GALNT17: variants seen among roughly 807,000 people sequenced by gnomAD.
The protein encoded by GALNT17 is UDP-GalNAc:polypeptide N-acetylgalactosaminyltransferase-like 3.
A neutral mutation model predicts 63.7 loss-of-function variants in GALNT17; 29 were observed. The ratio of observed to expected loss-of-function variants is 0.46; its 90% CI spans 0.34 to 0.62. The LOEUF (loss-of-function observed/expected upper bound fraction) is 0.62, where lower values mean the gene tolerates loss of function less well. Among genes scored for constraint, GALNT17 ranks in the 20% least tolerant of loss-of-function variants. The pLI, the probability that GALNT17 is intolerant of heterozygous loss-of-function variation, is 0.01. For missense variants in GALNT17, 603 were observed against 799.6 expected, an observed-to-expected ratio of 0.75 and a Z score of 2.97; for synonymous variants, 305 against 318.3, an observed-to-expected ratio of 0.96 and a Z score of 0.45.
rs1383369864 is a variant in GALNT17, at chr7:71,634,733, G to A, written c.1081-30678G>A. On this transcript the variant is annotated intron_variant, in intron 6 of 10. Transcript: ENST00000333538. ...GGTACTACTGCACTCCAGCCTGGGC[G>A]ACGGAGCGAGACTCCATCTCAAAAA... Among the ~76,000 whole-genome samples the A allele has an allele frequency of 2.7e-4, 38 of 142,802 alleles. 1 individual carries two copies. Among genetic ancestry groups the A allele is most frequent in the South Asian group, 1.6e-3 (7 of 4,268 alleles). The allele number at this position is 142,802 out of a possible 152,430, so 93.7% of individuals were successfully genotyped here.
At chr7:71,512,420 C>T (rs1305780840) in intron 5 of GALNT17, among the ~76,000 whole-genome samples, 1 of 152,106 alleles carries the variant, frequency 6.6e-6, no homozygotes, top group Admixed American at 6.6e-5. Context: ...GTGGACATGC[C>T]CTGACTTCCA....
intron 1 of GALNT17, among the ~76,000 whole-genome samples, chr7:71,138,712 G>A (rs1267696631): frequency 6.6e-6 from 1 of 152,150 alleles, no homozygotes; most frequent in South Asian, 2.1e-4. Flanking sequence ...AGTGGCTCAC[G>A]CCTGTAATCC....
chr7:71,331,957 A>G (rs2116067699), intron 1 of GALNT17, among the ~76,000 whole-genome samples: 1 of 152,250 alleles, frequency 6.6e-6, no homozygotes, highest in South Asian at 2.1e-4. Flanking sequence ...AGATCTTGTT[A>G]CTTTCCTTCT....
At chr7:71,680,807 T>TTCTTCCTTCCTTCCTTCCCC (rs1274452043) in intron 9 of GALNT17, among the ~76,000 whole-genome samples, 8 of 147,154 alleles carry the variant, frequency 5.4e-5, no homozygotes, top group African/African-American at 2.0e-4. Context: ...CTTCCTTCCT[T>TTCTTCCTTCCTTCCTTCCCC]TCTTCCTTCC....
At chr7:71,556,946 G>A (rs145787342) in intron 5 of GALNT17, among the ~76,000 whole-genome samples, 5 of 151,518 alleles carry the variant, frequency 3.3e-5, no homozygotes, top group Admixed American at 2.0e-4. Context: ...TAAAGTGACC[G>A]GTTCTTTCTC....
At chr7:71,686,600 G>A (rs1562736897) in intron 9 of GALNT17, among the ~76,000 whole-genome samples, 2 of 151,310 alleles carry the variant, frequency 1.3e-5, no homozygotes, top group Admixed American at 6.6e-5. Context: ...ATGTTGCCCA[G>A]GCTGGTCCCA....
chr7:71,270,455 G>A (rs755253164), intron 1 of GALNT17, among the ~76,000 whole-genome samples: 3 of 149,184 alleles, frequency 2.0e-5, no homozygotes, highest in Admixed American at 6.8e-5. Context: ...AACCCGGGAG[G>A]CAAAGGTTGC....
At chr7:71,562,232 A>G (rs770194665) in intron 5 of GALNT17, among the ~76,000 whole-genome samples, 14 of 152,220 alleles carry the variant, frequency 9.2e-5, no homozygotes, top group Non-Finnish European at 1.8e-4. Context: ...CCCAAGTGCA[A>G]GGATTACAGG....
intron 1 of GALNT17, among the ~76,000 whole-genome samples, chr7:71,272,374 G>A (rs1790609527): frequency 6.6e-6 from 1 of 152,126 alleles, no homozygotes; most frequent in South Asian, 2.1e-4. Flanking sequence ...TGTGGTGAGC[G>A]TATGTTTCAC....
chr7:71,337,697 G>T (rs367944419), intron 2 of GALNT17, among the ~76,000 whole-genome samples: 2 of 151,830 alleles, frequency 1.3e-5, no homozygotes, highest in Non-Finnish European at 2.9e-5. Context: ...GCAAAACCCC[G>T]TCTCTACTAA....
intron 2 of GALNT17, among the ~76,000 whole-genome samples, chr7:71,371,492 T>C (rs1388813267): frequency 6.6e-6 from 1 of 152,230 alleles, no homozygotes; most frequent in Admixed American, 6.5e-5. Context: ...ATTTATCTAA[T>C]TGTGCTCTTT....
At chr7:71,487,074 C>G (rs542663806) in intron 5 of GALNT17, among the ~76,000 whole-genome samples, 5 of 152,274 alleles carry the variant, frequency 3.3e-5, no homozygotes, top group African/African-American at 4.8e-5. Flanking sequence ...CAGGACATCT[C>G]TGCAGGGCAG....
At chr7:71,364,808 T>C (rs1232666516) in intron 2 of GALNT17, among the ~76,000 whole-genome samples, 4 of 152,240 alleles carry the variant, frequency 2.6e-5, no homozygotes, top group Admixed American at 6.5e-5. Flanking sequence ...GAATGTAAGA[T>C]GAGAGGAACT....
chr7:71,482,079 A>ATGTGTGTGTGTGTG lies in GALNT17; in HGVS notation c.962+60975_962+60976insGTGTGTGTGTGTGT, dbSNP rs371371505. The stretch of plus-strand genomic sequence containing the variant: ...TTGATGTATAGGTATACATATATGT[A>ATGTGTGTGTGTGTG]TATGTGTGTGTGTGTGTGTGTGTGT... On this transcript the variant is annotated intron_variant, in intron 5 of 10. Transcript: ENST00000333538. Among the ~76,000 whole-genome samples the ATGTGTGTGTGTGTG allele has an allele frequency of 1.3e-3, 179 of 136,870 alleles. 1 individual carries two copies. In the South Asian group the frequency reaches 0.019, roughly 14 times the overall value. 89.8% of individuals were successfully genotyped at this position (136,870 alleles called of 152,430 possible).
chr7:71,570,978 C>CAAAACA (rs1292191083), intron 5 of GALNT17, among the ~76,000 whole-genome samples: 4 of 151,968 alleles, frequency 2.6e-5, no homozygotes, highest in South Asian at 2.1e-4. Context: ...AACTCCGACT[C>CAAAACA]AAAACAAAAA....
In GALNT17 at chr7:71,132,890, C is replaced by A. The variant is rs760371137; in HGVS notation, c.88C>A (p.Pro30Thr). 4.3e-6 allele frequency: 7 copies of A among 1,612,910 alleles called. No individual in the cohort carries two copies. The African/African-American group carries it at 8.0e-5, about 18-fold the overall frequency. Reference sequence around the variant, plus strand: ...CGTGCTCTTCCTGGCCAAGTGCCGGCCCATCGCGGTGCGCAGCGGAGACGC... The same window carrying A: ...CGTGCTCTTCCTGGCCAAGTGCCGGACCATCGCGGTGCGCAGCGGAGACGC... ...GFVLFLAKCR[P>T]IAVRSGDAFH... The change falls in exon 1 of 11, where the codon CCC (proline) becomes ACC (threonine). Residue 30 changes from proline (P) to threonine (T), a missense_variant. By Grantham distance (38) the Pro-to-Thr change is conservative. This residue lies in a region of GALNT17 where 195 missense variants were observed against 215.0 expected (regional missense o/e 0.91). Coordinates refer to ENST00000333538, the MANE Select transcript of GALNT17 (RefSeq NM_022479.3).
At chr7:71,661,918 A>G (rs1241607148) in intron 6 of GALNT17, among the ~76,000 whole-genome samples, 1 of 152,140 alleles carries the variant, frequency 6.6e-6, no homozygotes. Context: ...CCTGTCTGTT[A>G]CACCATCTCC....
intron 5 of GALNT17, among the ~76,000 whole-genome samples, chr7:71,439,574 G>A (rs564809415): frequency 1.3e-5 from 2 of 152,300 alleles, no homozygotes; most frequent in African/African-American, 4.8e-5. Flanking sequence ...CCCAGCGGCA[G>A]GTAGATTAAT....
At chr7:71,173,570 C>T (rs1206913199) in intron 1 of GALNT17, among the ~76,000 whole-genome samples, 4 of 151,978 alleles carry the variant, frequency 2.6e-5, no homozygotes, top group African/African-American at 7.3e-5. Flanking sequence ...GTCAGGAATT[C>T]GAGACCAGCC....
Sources: gnomAD v4.1 joint callset for allele counts (sites outside exome capture counted in the v4.1 genomes callset) on GRCh38, gnomAD v4.1.1 for gene constraint, gnomAD v4.1.1 regional missense constraint, MANE v1.5 for transcripts, NCBI Gene and HGNC (gene_info 2026-07-23, HGNC 2026-07-21) for gene names.